The following CABP1 variants were observed in gnomAD, a reference collection of about 807,000 sequenced individuals.
CABP1 encodes calcium-binding protein 1.
Under a neutral mutation model 34.3 loss-of-function variants are expected in CABP1, and 17 were observed. The observed-to-expected ratio is 0.50, with a 90% CI of 0.34 to 0.74. The LOEUF (loss-of-function observed/expected upper bound fraction) is 0.74, where lower values mean the gene tolerates loss of function less well. Ranked by LOEUF, CABP1 falls within the 30% of genes least tolerant of loss-of-function variation. The pLI, the probability that CABP1 is intolerant of heterozygous loss-of-function variation, is 0.01. For missense variants in CABP1, 373 were observed against 511.1 expected (o/e 0.73, Z 2.61); for synonymous variants, 198 against 229.2 (o/e 0.86, Z 1.23).
chr12:120,644,032 T>C (rs1593153686), intron 1 of CABP1, among the ~76,000 whole-genome samples: 1 of 152,330 alleles, frequency 6.6e-6, no homozygotes, highest in Non-Finnish European at 1.5e-5. Context: ...AGCATCCTTA[T>C]TGCATATGCA....
rs754141707 is a variant in CABP1, at chr12:120,659,928, G to A, written c.685+20G>A. ...TTGAAGGTAAAACTTGGCCCCTTGG[G>A]GGAAAGGACTGCCTAGCCCTCTAGG... On this transcript the variant is annotated intron_variant, in intron 2 of 5. Coordinates refer to ENST00000316803, the MANE Select transcript of CABP1 (RefSeq NM_001033677.2). 1.2e-6 allele frequency: 2 copies of A among 1,612,856 alleles called. No individual in the cohort carries two copies. Among genetic ancestry groups the A allele is most frequent in the Admixed American group, 3.3e-5 (2 of 59,894 alleles).
intron 1 of CABP1, chr12:120,650,769 C>G: frequency 1.5e-6 from 2 of 1,366,458 alleles, no homozygotes; most frequent in Non-Finnish European, 2.1e-6. Context: ...GAAAGGGTGG[C>G]TGGAGCTTGC....
intron 1 of CABP1, among the ~76,000 whole-genome samples, chr12:120,647,560 CTTTT>C (rs10557275): frequency 1.1e-4 from 8 of 75,664 alleles, no homozygotes; most frequent in Non-Finnish European, 1.4e-4. Context: ...CAGTCCAAGC[CTTTT>C]TTTTTTTTTT....
chr12:120,656,156 G>A (rs1489446616), intron 1 of CABP1: 1 of 1,614,068 alleles, frequency 6.2e-7, no homozygotes, highest in East Asian at 2.2e-5. Context: ...GCTGGCGGCT[G>A]ACGCCGAGCT....
At chr12:120,650,095 C>T (rs1256873922) in intron 1 of CABP1, 2 of 157,092 alleles carry the variant, frequency 1.3e-5, no homozygotes, top group Non-Finnish European at 2.8e-5. Flanking sequence ...CGGCAGGCAC[C>T]CTGGCTTCGG....
Position 120,666,904 on chromosome 12 carries a change from C to A in CABP1, c.*4C>A, listed in dbSNP as rs751205092. The A allele has an allele frequency of 1.1e-5, 18 of 1,604,004 alleles. No individual in the cohort carries two copies. The highest frequency in any genetic ancestry group is 1.4e-5 in the Non-Finnish European group (17 of 1,178,494). On this transcript the variant is annotated 3_prime_UTR_variant, in exon 6 of 6. Coordinates refer to ENST00000316803, the MANE Select transcript of CABP1 (RefSeq NM_001033677.2). ...TGTCCGGATGATGTCCCGCTGAGGC[C>A]GCGAGGGCCCCTCCAGGACTGCCAA...
At chr12:120,679,660 T>C in the CABP1 span, among the ~76,000 whole-genome samples, 2 of 151,856 alleles carry the variant, frequency 1.3e-5, no homozygotes, top group Non-Finnish European at 2.9e-5. Context: ...AAACCCCGTC[T>C]CTACTAAAAA....
At chr12:120,643,113 G>T (rs1879413278) in intron 1 of CABP1, among the ~76,000 whole-genome samples, 2 of 151,642 alleles carry the variant, frequency 1.3e-5, no homozygotes, top group African/African-American at 2.4e-5. Flanking sequence ...TAATTTCTCA[G>T]TCATTAAGTG....
At chr12:120,677,682 T>C in the CABP1 span, among the ~76,000 whole-genome samples, 4 of 152,312 alleles carry the variant, frequency 2.6e-5, no homozygotes, top group Middle Eastern at 3.4e-3. Context: ...GTTGGAATTA[T>C]AGGCGTGAGC....
At chr12:120,671,587 G>A (rs149044329), downstream of CABP1, among the ~76,000 whole-genome samples, 1 of 152,198 alleles carries the variant, frequency 6.6e-6, no homozygotes, top group Non-Finnish European at 1.5e-5. Context: ...GAGAGGCTCA[G>A]ATGGGAACTC....
rs539781026 is a variant in CABP1 at position 120,664,979 on chromosome 12, T to C, written c.1088-1896T>C. Among the ~76,000 whole-genome samples the C allele has an allele frequency of 2.0e-5, 3 of 150,148 alleles. No individual in the cohort carries two copies. The South Asian group carries it at 6.3e-4, about 31-fold the overall frequency. On this transcript the variant is annotated intron_variant, in intron 5 of 5. Coordinates refer to ENST00000316803, the MANE Select transcript of CABP1 (RefSeq NM_001033677.2). ...CATATTACTAAGTGAAAAGCCAATC[T>C]GAAAACACTGCATACCCTATGATTT...
At position 120,641,412 on chromosome 12, in the gene CABP1, A is replaced by G. The variant is rs1442959232; in HGVS notation, c.654+73A>G. On this transcript the variant is annotated intron_variant, in intron 1 of 5. Transcript: ENST00000316803. This position sits in a 1 kb window ranked among gnomAD's most constrained non-coding sequence, Gnocchi z 6.7. The stretch of plus-strand genomic sequence containing the variant: ...CCCTGCCGGCCGCGGTTGCGCGTCC[A>G]CAGCCTCCTCCCGCGGCCCGTGGTC... The G allele has an allele frequency of 8.1e-7, 1 of 1,234,742 alleles. No individual in the cohort carries two copies. Among genetic ancestry groups the G allele is most frequent in the East Asian group, 3.2e-5 (1 of 31,502 alleles). 76.5% of individuals were successfully genotyped at this position (1,234,742 alleles called of 1,614,324 possible). A position where few individuals can be genotyped will look rare whatever the true frequency, so the allele number is the denominator to read the frequency against.
intron 5 of CABP1, among the ~76,000 whole-genome samples, chr12:120,665,121 A>G (rs1027548346): frequency 4.6e-5 from 7 of 151,990 alleles, no homozygotes; most frequent in African/African-American, 1.2e-4. Flanking sequence ...TTTTTAGGGC[A>G]GTGAAACTAT....
Position 120,667,041 on chromosome 12 carries a change from A to T in CABP1, c.*141A>T. 3 of 885,174 alleles carry T rather than the reference A, an allele frequency of 3.4e-6. No homozygotes were observed. Among genetic ancestry groups the T allele is most frequent in the Non-Finnish European group, 5.1e-6 (3 of 585,894 alleles). 54.8% of individuals were successfully genotyped at this position (885,174 alleles called of 1,614,324 possible). On this transcript the variant is annotated 3_prime_UTR_variant, in exon 6 of 6. Transcript: ENST00000316803. The stretch of plus-strand genomic sequence containing the variant: ...CTGCCTGCACCCCGGGGAGGCGCCC[A>T]CCCCGGACCCCCACCCCTCCGCACT...
At chr12:120,652,370 T>A (rs1447334471) in intron 1 of CABP1, among the ~76,000 whole-genome samples, 1 of 152,182 alleles carries the variant, frequency 6.6e-6, no homozygotes, top group South Asian at 2.1e-4. Flanking sequence ...TTGCTTTTTT[T>A]TTTTTCTAAA....
chr12:120,648,461 TTA>T (rs1771816269), intron 1 of CABP1, among the ~76,000 whole-genome samples: 1 of 152,228 alleles, frequency 6.6e-6, no homozygotes, highest in Non-Finnish European at 1.5e-5. Flanking sequence ...ATTTAAATAA[TTA>T]CTGATCCAGT....
At chr12:120,676,371 A>G in the CABP1 span, among the ~76,000 whole-genome samples, 6 of 151,986 alleles carry the variant, frequency 3.9e-5, no homozygotes, top group South Asian at 2.1e-4. Flanking sequence ...TACCTCCCCA[A>G]TGTGTCTGGA....
At chr12:120,675,750 T>C in the CABP1 span, among the ~76,000 whole-genome samples, 1 of 152,172 alleles carries the variant, frequency 6.6e-6, no homozygotes, top group Non-Finnish European at 1.5e-5. Context: ...TCCAGCATAG[T>C]GTCTTCAGTG....
At chr12:120,654,932 C>T (rs1402730525) in intron 1 of CABP1, among the ~76,000 whole-genome samples, 2 of 152,150 alleles carry the variant, frequency 1.3e-5, no homozygotes, top group African/African-American at 2.4e-5. Context: ...TCTAGAGGTC[C>T]GGCACTCTGG....
Sources: allele counts gnomAD v4.1 joint callset (sites outside exome capture counted in the v4.1 genomes callset), GRCh38; gene constraint gnomAD v4.1.1; non-coding constraint Gnocchi (gnomAD v3.1); transcripts MANE v1.5; gene names NCBI Gene and HGNC (gene_info 2026-07-23, HGNC 2026-07-21).